SUCLG2: variants seen among roughly 807,000 people sequenced by gnomAD.
The protein encoded by SUCLG2 is succinate--CoA ligase [GDP-forming] subunit beta, mitochondrial.
Under a neutral mutation model 47.9 loss-of-function variants are expected in SUCLG2, and 42 were observed. That is an observed-to-expected ratio of 0.88 (90% CI 0.69 to 1.14). The LOEUF is 1.14. SUCLG2 is among the 50% of genes most tolerant of loss of function. The pLI, the probability that SUCLG2 is intolerant of heterozygous loss-of-function variation, is 0.00. For missense variants in SUCLG2, 571 were observed against 525.9 expected, an observed-to-expected ratio of 1.09 and a Z score of -0.84; for synonymous variants, 195 against 197.3, an observed-to-expected ratio of 0.99 and a Z score of 0.10.
intron 9 of SUCLG2, among the ~76,000 whole-genome samples, chr3:67,414,398 G>A (rs1003051260): frequency 2.0e-5 from 3 of 152,170 alleles, no homozygotes; most frequent in African/African-American, 7.2e-5. Flanking sequence ...CTTCTTATGG[G>A]AGATTATATT....
chr3:67,505,093 G>A (rs1705599857), intron 7 of SUCLG2, among the ~76,000 whole-genome samples: 1 of 152,138 alleles, frequency 6.6e-6, no homozygotes, highest in African/African-American at 2.4e-5. Flanking sequence ...TTGCTCAGTG[G>A]CTGGCATGGG....
intron 9 of SUCLG2, among the ~76,000 whole-genome samples, chr3:67,467,784 C>G (rs1433635237): frequency 6.6e-6 from 1 of 151,746 alleles, no homozygotes; most frequent in Non-Finnish European, 1.5e-5. Context: ...ATTAATATAC[C>G]CATTTCACAG....
intron 9 of SUCLG2, among the ~76,000 whole-genome samples, chr3:67,491,610 G>A (rs1002922460): frequency 3.2e-4 from 49 of 151,956 alleles, no homozygotes; most frequent in African/African-American, 1.2e-3. Context: ...TGCCCACTTC[G>A]GCCTCCCAAA....
intron 1 of SUCLG2, among the ~76,000 whole-genome samples, chr3:67,618,187 C>A (rs1218249892): frequency 6.6e-6 from 1 of 152,046 alleles, no homozygotes; most frequent in Non-Finnish European, 1.5e-5. Flanking sequence ...TTTGGGAGGC[C>A]AAGGTGGGTA....
At chr3:67,380,121 G>A (rs554290176) in intron 10 of SUCLG2, among the ~76,000 whole-genome samples, 10 of 152,012 alleles carry the variant, frequency 6.6e-5, no homozygotes, top group Admixed American at 1.3e-4. Context: ...TTCCTATAGG[G>A]TTGAAATAGA....
intron 2 of SUCLG2, among the ~76,000 whole-genome samples, chr3:67,560,385 G>A (rs1707277447): frequency 6.6e-6 from 1 of 152,104 alleles, no homozygotes. Context: ...TGTTGTTCAG[G>A]TCACCCAGTT....
rs1328896118 is a variant in SUCLG2 at position 67,498,293 on chromosome 3, C to A, written c.760G>T (p.Val254Phe). ...AAGTTTATCTTGGCATCAAAACAGA[C>A]AACTAAATAAAGAAGAAAACAATCA... ...PFGETPEGQV[V>F]CFDAKINFDD... The change falls in exon 8 of 11, where the codon GTC becomes TTC. Residue 254 changes from valine (V) to phenylalanine (F), a missense_variant and splice_region_variant. Val to Phe is a conservative substitution (Grantham distance 50, BLOSUM62 -1). Transcript: ENST00000307227. 6.2e-7 allele frequency: 1 copy of A among 1,609,778 alleles called. No individual in the cohort carries two copies. Among genetic ancestry groups the A allele is most frequent in the East Asian group, 2.3e-5 (1 of 44,320 alleles).
chr3:67,619,116 C>A (rs558199290), intron 1 of SUCLG2, among the ~76,000 whole-genome samples: 1 of 152,320 alleles, frequency 6.6e-6, no homozygotes, highest in African/African-American at 2.4e-5. Context: ...GAAACTGGAT[C>A]ACAGCAGGTT....
chr3:67,498,058 T>C (rs1267650534), intron 8 of SUCLG2, 76 bp downstream of exon 8: 1 of 1,434,970 alleles, frequency 7.0e-7, no homozygotes, highest in African/African-American at 1.4e-5. Flanking sequence ...TCTTGGTAAG[T>C]GACATTTCAG....
In SUCLG2 at chr3:67,618,635, T is replaced by A. The variant is rs572543460; in HGVS notation, c.85-9039A>T. Reference sequence around the variant, plus strand: ...CTTTCTATTATCACATCTGACTTTTTCTCTTTTTAGTCAGTCTGTAAATCC... The same window carrying A: ...CTTTCTATTATCACATCTGACTTTTACTCTTTTTAGTCAGTCTGTAAATCC... On this transcript the variant is annotated intron_variant, in intron 1 of 10. Coordinates refer to ENST00000307227, the MANE Select transcript of SUCLG2 (RefSeq NM_003848.4). Among the ~76,000 whole-genome samples the A allele has an allele frequency of 2.0e-5, 3 of 152,294 alleles. No homozygotes were observed. In the South Asian group the frequency reaches 6.2e-4, roughly 32 times the overall value.
intron 1 of SUCLG2, among the ~76,000 whole-genome samples, chr3:67,622,482 T>C (rs937135795): frequency 4.6e-5 from 7 of 152,200 alleles, no homozygotes; most frequent in Non-Finnish European, 1.0e-4. Context: ...TCTTTTATTT[T>C]AAAGTGATCT....
chr3:67,504,289 T>C (rs1705580952), intron 7 of SUCLG2, among the ~76,000 whole-genome samples: 2 of 152,086 alleles, frequency 1.3e-5, no homozygotes, highest in Admixed American at 1.3e-4. Context: ...GAAAATGTTC[T>C]TGAAAATAGA....
At chr3:67,508,500 C>A (rs1046328541) in intron 7 of SUCLG2, among the ~76,000 whole-genome samples, 2 of 152,074 alleles carry the variant, frequency 1.3e-5, no homozygotes, top group African/African-American at 2.4e-5. Context: ...AAAGTCTTGG[C>A]CTCAAGTGAT....
intron 2 of SUCLG2, among the ~76,000 whole-genome samples, chr3:67,575,849 T>C (rs1247467800): frequency 1.3e-5 from 2 of 152,194 alleles, no homozygotes; most frequent in Admixed American, 6.5e-5. Context: ...TTTAGACAGA[T>C]TTGAAGAAAA....
At chr3:67,595,807 C>G (rs2107286855) in intron 2 of SUCLG2, among the ~76,000 whole-genome samples, 1 of 152,294 alleles carries the variant, frequency 6.6e-6, no homozygotes, top group South Asian at 2.1e-4. Context: ...AACATTTCAG[C>G]CATTGTATTT....
At chr3:67,432,272 G>GT (rs1252743704) in intron 9 of SUCLG2, among the ~76,000 whole-genome samples, 1 of 152,220 alleles carries the variant, frequency 6.6e-6, no homozygotes, top group Non-Finnish European at 1.5e-5. Flanking sequence ...GAAGCAGCAA[G>GT]TAACTGGCTG....
Position 67,529,143 on chromosome 3 carries a change from T to A in SUCLG2, c.270A>T (p.Gly90=). Reference sequence around the variant, plus strand: ...CACTATTGAAGACACCTTTTCCTCTTCCTCCAGCTAAGATCTGGGCTTTTA... The same window carrying A: ...CACTATTGAAGACACCTTTTCCTCTACCTCCAGCTAAGATCTGGGCTTTTA... ...IVLKAQILAG[G]RGKGVFNSGL... The change falls in exon 3 of 11, where the codon GGA becomes GGT. Residue 90 remains glycine, a synonymous_variant. Coordinates refer to ENST00000307227, the MANE Select transcript of SUCLG2 (RefSeq NM_003848.4). 6.2e-7 allele frequency: 1 copy of A among 1,613,636 alleles called. No homozygotes were observed. Among genetic ancestry groups the A allele is most frequent in the Non-Finnish European group, 8.5e-7 (1 of 1,179,820 alleles).
chr3:67,369,225 G>T (rs13091433), intron 10 of SUCLG2, among the ~76,000 whole-genome samples: 1 of 151,812 alleles, frequency 6.6e-6, no homozygotes, highest in African/African-American at 2.4e-5. Context: ...AGTATTACAC[G>T]AATAGGTTCT....
chr3:67,574,019 C>A (rs184914580), intron 2 of SUCLG2, among the ~76,000 whole-genome samples: 1 of 152,306 alleles, frequency 6.6e-6, no homozygotes, highest in Admixed American at 6.5e-5. Flanking sequence ...ATCCCTGTTT[C>A]CTTGCTGACA....
Sources: allele counts gnomAD v4.1 joint callset (sites outside exome capture counted in the v4.1 genomes callset), GRCh38; gene constraint gnomAD v4.1.1; transcripts MANE v1.5; gene names NCBI Gene and HGNC (gene_info 2026-07-23, HGNC 2026-07-21).